LAMA2: variants seen among roughly 807,000 people sequenced by gnomAD.
The protein encoded by LAMA2 is laminin subunit alpha 2.
A neutral mutation model predicts 364.8 loss-of-function variants in LAMA2; 269 were observed. The observed-to-expected ratio is 0.74, with a 90% confidence interval of 0.67 to 0.82. LAMA2 has a LOEUF of 0.82. Among genes scored for constraint, LAMA2 ranks in the 40% least tolerant of loss-of-function variants. LAMA2 has a pLI of 0.00. For synonymous variants in LAMA2, 1,379 were observed against 1,370.6 expected, an observed-to-expected ratio of 1.01 and a Z score of -0.14; for missense variants, 3,807 against 3,873.2, an observed-to-expected ratio of 0.98 and a Z score of 0.45.
intron 1 of LAMA2, among the ~76,000 whole-genome samples, chr6:129,009,651 A>G (rs1471782541): frequency 1.3e-5 from 2 of 152,214 alleles, no homozygotes; most frequent in East Asian, 3.8e-4. Context: ...AATTGCCTTG[A>G]TATAGATTCA....
At chr6:129,438,586 A>G in intron 41 of LAMA2, 60 bp from the exon 42 acceptor site, 1 of 823,208 alleles carries the variant, frequency 1.2e-6, no homozygotes, top group East Asian at 2.5e-5. Flanking sequence ...TTGCACATCC[A>G]AGTATAAGCT....
intron 12 of LAMA2, among the ~76,000 whole-genome samples, chr6:129,224,646 G>T (rs1367817885): frequency 1.3e-5 from 2 of 152,178 alleles, no homozygotes; most frequent in African/African-American, 4.8e-5. Context: ...TTATTGATTT[G>T]TGTATGTTGA....
Position 129,369,957 on chromosome 6 carries a change from A to G in LAMA2, c.4926A>G (p.Thr1642=), listed in dbSNP as rs62421010. 5.3e-4 allele frequency: 860 copies of G among 1,614,094 alleles called. No individual in the cohort carries two copies. The highest frequency in any genetic ancestry group is 6.8e-4 in the Non-Finnish European group (800 of 1,179,984). The change falls in exon 34 of 65, where the codon ACA becomes ACG. Residue 1642 remains threonine, a synonymous_variant. Transcript: ENST00000421865. ...AGCTGGCAGAGGGCAATCTGAATAC[A>G]CTCGTGACCGAAATGAACGAGCTGC... ...LIQLAEGNLN[T]LVTEMNELLT... is the part of the protein sequence containing the mutation.
intron 31 of LAMA2, among the ~76,000 whole-genome samples, chr6:129,352,870 A>T (rs1047695782): frequency 2.0e-5 from 3 of 152,206 alleles, no homozygotes; most frequent in East Asian, 1.9e-4. Context: ...TCTCATTAGT[A>T]GCCTGATATT....
chr6:129,085,660 G>A (rs77907981), intron 3 of LAMA2, among the ~76,000 whole-genome samples: 2 of 152,048 alleles, frequency 1.3e-5, no homozygotes, highest in African/African-American at 2.4e-5. Context: ...TGAAAAGGAC[G>A]GAGGAGTTCT....
At chr6:128,988,520 T>G (rs1394154848) in intron 1 of LAMA2, among the ~76,000 whole-genome samples, 1 of 152,210 alleles carries the variant, frequency 6.6e-6, no homozygotes, top group Admixed American at 6.5e-5. Flanking sequence ...TGAACTAAAG[T>G]GCAGCAGAGA....
At position 128,930,632 on chromosome 6, in the gene LAMA2, A is replaced by G. The variant is rs13215607; in HGVS notation, c.112+47275A>G. Among the ~76,000 whole-genome samples the G allele has an allele frequency of 3.8e-3, 585 of 152,276 alleles. 4 individuals carry two copies. Among genetic ancestry groups the G allele is most frequent in the Admixed American group, 0.035 (533 of 15,298 alleles). On this transcript the variant is annotated intron_variant, in intron 1 of 64. Transcript: ENST00000421865. ...TGCTATCTTTGTTAGTTTAATCCAC[A>G]GAGACTTTGGAGTCTGCAGTTATAC... is the stretch of plus-strand genomic sequence containing the variant.
intron 1 of LAMA2, among the ~76,000 whole-genome samples, chr6:128,976,220 A>G (rs1257245092): frequency 6.6e-6 from 1 of 152,190 alleles, no homozygotes; most frequent in African/African-American, 2.4e-5. Context: ...GGCTCTAGGC[A>G]TGATGCTCAG....
In LAMA2 at chr6:129,059,909, T is replaced by C; in HGVS notation, c.396+13T>C. On this transcript the variant is annotated intron_variant, in intron 3 of 64. Transcript: ENST00000421865. The stretch of plus-strand genomic sequence containing the variant: ...GGATTTACAGCAGGTATAGTTCCTC[T>C]TTTTTTGTCATTTCCACTTTTGAAA... The C allele has an allele frequency of 7.1e-7, 1 of 1,404,004 alleles. No individual in the cohort carries two copies. The highest frequency in any genetic ancestry group is 1.2e-5 in the South Asian group (1 of 86,842). The allele number at this position is 1,404,004 out of a possible 1,614,324, so 87.0% of individuals were successfully genotyped here. A position where few individuals can be genotyped will look rare whatever the true frequency, so the allele number is the denominator to read the frequency against.
At chr6:129,056,720 T>C (rs1355663556) in intron 2 of LAMA2, among the ~76,000 whole-genome samples, 1 of 152,038 alleles carries the variant, frequency 6.6e-6, no homozygotes, top group African/African-American at 2.4e-5. Context: ...AAATGCCAAA[T>C]TTAGTGAATA....
chr6:129,135,963 A>T (rs1777768243), intron 4 of LAMA2, among the ~76,000 whole-genome samples: 1 of 152,232 alleles, frequency 6.6e-6, no homozygotes, highest in Non-Finnish European at 1.5e-5. Context: ...AGTACTTTTT[A>T]AAAATTATTT....
At chr6:129,294,074 A>G (rs1313307636) in intron 20 of LAMA2, among the ~76,000 whole-genome samples, 2 of 152,218 alleles carry the variant, frequency 1.3e-5, no homozygotes, top group African/African-American at 4.8e-5. Flanking sequence ...AGTGGGAGAC[A>G]GCATAGCCTT....
chr6:129,233,266 C>T (rs929362836), intron 12 of LAMA2, among the ~76,000 whole-genome samples: 2 of 152,080 alleles, frequency 1.3e-5, no homozygotes, highest in Admixed American at 1.3e-4. Context: ...GTTACGGTAG[C>T]AATAGGAAAC....
intron 3 of LAMA2, among the ~76,000 whole-genome samples, chr6:129,061,973 T>C (rs1047414419): frequency 2.0e-5 from 3 of 152,174 alleles, no homozygotes; most frequent in Admixed American, 2.0e-4. Flanking sequence ...AATAAATCCT[T>C]ATTTCTACTT....
chr6:129,231,117 A>G (rs1784645398), intron 12 of LAMA2, among the ~76,000 whole-genome samples: 1 of 152,054 alleles, frequency 6.6e-6, no homozygotes, highest in Admixed American at 6.6e-5. Flanking sequence ...TCTTTTTTAG[A>G]ATGGAATTTT....
chr6:129,227,382 A>C (rs192611976), intron 12 of LAMA2, among the ~76,000 whole-genome samples: 2 of 152,288 alleles, frequency 1.3e-5, no homozygotes, highest in Admixed American at 6.5e-5. Context: ...AAGGAGCTTC[A>C]TTCCTTTGGA....
intron 38 of LAMA2, among the ~76,000 whole-genome samples, chr6:129,401,693 G>A (rs1176979904): frequency 6.6e-6 from 1 of 152,180 alleles, no homozygotes; most frequent in Non-Finnish European, 1.5e-5. Flanking sequence ...CTTTTAACAT[G>A]TAATGTCTAA....
chr6:129,207,989 A>G (rs1453910367), intron 12 of LAMA2, among the ~76,000 whole-genome samples: 3 of 152,158 alleles, frequency 2.0e-5, no homozygotes, highest in Admixed American at 2.0e-4. Context: ...TTATTATATA[A>G]TAGTTTTGGA....
At chr6:129,104,889 GAGA>G (rs1305601097) in intron 4 of LAMA2, among the ~76,000 whole-genome samples, 2 of 152,118 alleles carry the variant, frequency 1.3e-5, no homozygotes, top group African/African-American at 4.8e-5. Context: ...CACCCAAAGG[GAGA>G]AGAGAAGCTT....
Sources: gnomAD v4.1 joint callset for allele counts (sites outside exome capture counted in the v4.1 genomes callset) on GRCh38, gnomAD v4.1.1 for gene constraint, MANE v1.5 for transcripts, NCBI Gene and HGNC (gene_info 2026-07-23, HGNC 2026-07-21) for gene names.